The following LMBR1 variants were observed in gnomAD, a reference collection of about 807,000 sequenced individuals.
LMBR1 encodes the protein limb region 1 protein homolog.
A neutral mutation model predicts 73.9 loss-of-function variants in LMBR1; 52 were observed. That is an observed-to-expected ratio of 0.70 (90% CI 0.56 to 0.89). The LOEUF (loss-of-function observed/expected upper bound fraction) is 0.89. Among genes scored for constraint, LMBR1 ranks in the 40% least tolerant of loss-of-function variants. The pLI, the probability that LMBR1 is intolerant of heterozygous loss-of-function variation, is 0.00. For synonymous variants in LMBR1, 215 were observed against 209.4 expected (o/e 1.03, Z -0.23); for missense variants, 539 against 579.8 (o/e 0.93, Z 0.72).
chr7:156,851,475 A>G (rs969285780), intron 1 of LMBR1, among the ~76,000 whole-genome samples: 1 of 152,184 alleles, frequency 6.6e-6, no homozygotes, highest in Non-Finnish European at 1.5e-5. Context: ...GTCATCAATA[A>G]TATTATACTT....
intron 15 of LMBR1, among the ~76,000 whole-genome samples, chr7:156,689,501 C>G (rs1205752114): frequency 3.9e-5 from 6 of 152,148 alleles, no homozygotes; most frequent in Non-Finnish European, 5.9e-5. Flanking sequence ...TACAGATAGC[C>G]TCTACAAAAG....
intron 4 of LMBR1, among the ~76,000 whole-genome samples, chr7:156,805,336 A>C (rs11772476): frequency 0.44 from 66,799 of 151,072 alleles, 14,895 homozygotes; most frequent in East Asian, 0.61. Flanking sequence ...CCTGCCTCAG[A>C]CTCCCAAGTA....
chr7:156,879,921 C>A lies in LMBR1; in HGVS notation c.66+13007G>T, dbSNP rs184533323. On this transcript the variant is annotated intron_variant, in intron 1 of 16. Coordinates refer to ENST00000353442, the MANE Select transcript of LMBR1 (RefSeq NM_022458.4). Reference sequence around the variant, plus strand: ...CTGGTGGGAATGTAAACTGGTACAACCACTATGGAAAACAGTGTGGAGATT... The same window carrying A: ...CTGGTGGGAATGTAAACTGGTACAAACACTATGGAAAACAGTGTGGAGATT... Among the ~76,000 whole-genome samples the A allele has an allele frequency of 3.2e-3, 481 of 152,230 alleles. 7 individuals carry two copies. Among genetic ancestry groups the A allele is most frequent in the African/African-American group, 0.011 (450 of 41,544 alleles).
chr7:156,817,225 C>G (rs938337971), intron 4 of LMBR1, among the ~76,000 whole-genome samples: 1 of 152,066 alleles, frequency 6.6e-6, no homozygotes, highest in Non-Finnish European at 1.5e-5. Context: ...AATAATTTAT[C>G]ATTTTTCCTC....
intron 1 of LMBR1, among the ~76,000 whole-genome samples, chr7:156,856,297 T>C (rs1419809337): frequency 1.3e-5 from 2 of 152,200 alleles, no homozygotes; most frequent in African/African-American, 4.8e-5. Context: ...TAGACTTAAT[T>C]AGCAAGAATT....
intron 1 of LMBR1, among the ~76,000 whole-genome samples, chr7:156,881,464 A>G (rs1244552630): frequency 1.3e-5 from 2 of 152,264 alleles, no homozygotes; most frequent in Admixed American, 6.5e-5. Context: ...AGCACAGGCA[A>G]TAACAACAAA....
chr7:156,745,149 G>A (rs967179328), intron 9 of LMBR1, among the ~76,000 whole-genome samples: 2 of 152,148 alleles, frequency 1.3e-5, no homozygotes, highest in Admixed American at 6.5e-5. Flanking sequence ...CTACCACAAA[G>A]ACTATTTCTT....
intron 7 of LMBR1, 60 bp from the exon 8 acceptor site, chr7:156,762,258 T>G: frequency 9.8e-7 from 1 of 1,020,748 alleles, no homozygotes; most frequent in South Asian, 1.3e-5. Context: ...GAGAAAGAGA[T>G]AAACAACTAG....
chr7:156,892,701 G>A (rs550147332), intron 1 of LMBR1: 1 of 352,292 alleles, frequency 2.8e-6, no homozygotes, highest in South Asian at 5.9e-5. Context: ...AGCGGAGCGG[G>A]GGGGCAGGCA....
chr7:156,758,065 C>T (rs1218194921), intron 8 of LMBR1, among the ~76,000 whole-genome samples: 1 of 152,174 alleles, frequency 6.6e-6, no homozygotes, highest in Admixed American at 6.5e-5. Context: ...AATGGCCAGC[C>T]AGCAAGCCCT....
At chr7:156,844,207 C>G (rs990326042) in intron 1 of LMBR1, among the ~76,000 whole-genome samples, 1 of 151,970 alleles carries the variant, frequency 6.6e-6, no homozygotes, top group Non-Finnish European at 1.5e-5. Context: ...GCCTGTAATA[C>G]TAGCTACTCA....
intron 12 of LMBR1, 94 bp downstream of exon 12, chr7:156,727,836 A>C: frequency 1.3e-6 from 1 of 748,024 alleles, no homozygotes; most frequent in Non-Finnish European, 2.2e-6. Context: ...ACATGCACAA[A>C]GGTGAATGTT....
chr7:156,806,456 ATTTTT>A (rs534881958), intron 4 of LMBR1, among the ~76,000 whole-genome samples: 4,836 of 123,976 alleles, frequency 0.039, 123 homozygotes, highest in South Asian at 0.097. Context: ...TCAGTGACTT[ATTTTT>A]TTTAAAAAAA....
rs1443071553 is a variant in LMBR1 at position 156,833,780 on chromosome 7, T to C, written c.152A>G (p.Asp51Gly). The C allele has an allele frequency of 1.8e-5, 29 of 1,596,846 alleles. No homozygotes were observed. Among genetic ancestry groups the C allele is most frequent in the Non-Finnish European group, 2.4e-5 (28 of 1,171,192 alleles). ...RYKRKSDEQEDEDAIVNRISL... is the reference protein window; with the variant it reads ...RYKRKSDEQEGEDAIVNRISL... ...AATCCTGTTGACGATGGCATCTTCA[T>C]CTTCTTGTTCATCTGCAAAAATGTT... The change falls in exon 3 of 17, where the codon GAT becomes GGT. Residue 51 changes from aspartate (D) to glycine (G), a missense_variant. Asp to Gly is a moderately conservative substitution (Grantham distance 94). Around this residue, in one of 3 missense-constraint regions of LMBR1, gnomAD observed 454 missense variants for 473.4 expected, o/e 0.96. Coordinates refer to ENST00000353442, the MANE Select transcript of LMBR1 (RefSeq NM_022458.4).
chr7:156,882,386 A>T (rs1386595366), intron 1 of LMBR1, among the ~76,000 whole-genome samples: 5 of 152,174 alleles, frequency 3.3e-5, no homozygotes, highest in Non-Finnish European at 2.9e-5. Flanking sequence ...TCAAGGCTGC[A>T]GTCACCACAT....
rs75987752 is a variant in LMBR1, at chr7:156,791,418, G to A, written c.423+4971C>T. 5.3e-5 allele frequency among the ~76,000 whole-genome samples: 8 copies of A among 152,272 alleles called. No individual in the cohort carries two copies. Among genetic ancestry groups the A allele is most frequent in the Non-Finnish European group, 7.4e-5 (5 of 68,004 alleles). The stretch of plus-strand genomic sequence containing the variant: ...ACTCACTCTGTGTCTCTTTAAGATG[G>A]AGGCCTGATACAAATTAGCCACTGG... On this transcript the variant is annotated intron_variant, in intron 5 of 16. Transcript: ENST00000353442.
chr7:156,761,909 G>A (rs1394740723), intron 8 of LMBR1, among the ~76,000 whole-genome samples: 4 of 148,740 alleles, frequency 2.7e-5, no homozygotes, highest in Admixed American at 1.4e-4. Context: ...CCCAGGGGGC[G>A]GAGCCTGCAG....
intron 15 of LMBR1, among the ~76,000 whole-genome samples, chr7:156,697,208 C>T (rs906210471): frequency 3.3e-5 from 5 of 151,736 alleles, no homozygotes; most frequent in Non-Finnish European, 4.4e-5. Context: ...GGAGTAGGTA[C>T]AAAGATCACA....
intron 4 of LMBR1, among the ~76,000 whole-genome samples, chr7:156,801,149 G>A (rs117370519): frequency 0.032 from 4,840 of 152,290 alleles, 123 homozygotes; most frequent in South Asian, 0.085. Context: ...GTAAAATGCT[G>A]TCAAACAGCA....
Sources: allele counts gnomAD v4.1 joint callset (sites outside exome capture counted in the v4.1 genomes callset), GRCh38; gene constraint gnomAD v4.1.1; regional missense constraint gnomAD v4.1.1; transcripts MANE v1.5; gene names NCBI Gene and HGNC (gene_info 2026-07-23, HGNC 2026-07-21).